Variants in STXBP5L observed in about 807,000 individuals in gnomAD.
STXBP5L encodes syntaxin binding protein 5L.
A neutral mutation model predicts 144.5 loss-of-function variants in STXBP5L; 65 were observed. The observed-to-expected ratio is 0.45, with a 90% CI of 0.37 to 0.55. The LOEUF is 0.55. STXBP5L is among the 20% of genes least tolerant of loss of function. The pLI, the probability that STXBP5L is intolerant of heterozygous loss-of-function variation, is 0.00. For synonymous variants in STXBP5L, 505 were observed against 469.6 expected (o/e 1.08, Z -0.97); for missense variants, 1,298 against 1,405.5 (o/e 0.92, Z 1.22).
chr3:120,992,406 C>G (rs1038960049), intron 3 of STXBP5L, among the ~76,000 whole-genome samples: 6 of 152,100 alleles, frequency 3.9e-5, no homozygotes, highest in African/African-American at 1.2e-4. Flanking sequence ...TTCCTTCTAT[C>G]TAGTTGTATA....
rs144556880 is a variant in STXBP5L at position 120,943,618 on chromosome 3, A to T, written c.190-11322A>T. 1.9e-3 allele frequency among the ~76,000 whole-genome samples: 282 copies of T among 151,782 alleles called. 1 individual carries two copies. The highest frequency in any genetic ancestry group is 6.8e-3 in the Middle Eastern group (2 of 294). On this transcript the variant is annotated intron_variant, in intron 2 of 26. Coordinates refer to ENST00000471454, the MANE Select transcript of STXBP5L (RefSeq NM_001308330.2). ...ATCAGTATCTTATTTAGTGTTTTGC[A>T]CCTATATTTATAAGTCTTCATTTGC...
At chr3:121,183,115 A>T (rs74927086) in intron 9 of STXBP5L, among the ~76,000 whole-genome samples, 1 of 152,200 alleles carries the variant, frequency 6.6e-6, no homozygotes, top group Non-Finnish European at 1.5e-5. Flanking sequence ...GAAAACACTC[A>T]CAAAATTGGC....
chr3:121,045,031 T>C (rs923699528), intron 4 of STXBP5L, among the ~76,000 whole-genome samples: 4 of 152,164 alleles, frequency 2.6e-5, no homozygotes, highest in Non-Finnish European at 5.9e-5. Flanking sequence ...TTATATGACC[T>C]GTATTCAATT....
At chr3:121,128,508 G>T (rs1337348485) in intron 7 of STXBP5L, among the ~76,000 whole-genome samples, 1 of 152,098 alleles carries the variant, frequency 6.6e-6, no homozygotes, top group East Asian at 1.9e-4. Context: ...TGAGAAGCTT[G>T]GTAGTGGTTG....
At chr3:121,254,420 T>C (rs1160508768) in intron 15 of STXBP5L, among the ~76,000 whole-genome samples, 1 of 152,198 alleles carries the variant, frequency 6.6e-6, no homozygotes, top group Non-Finnish European at 1.5e-5. Context: ...ATGTTTCTTA[T>C]CTGAAGGAGT....
chr3:121,224,340 G>T (rs55915400), intron 11 of STXBP5L, among the ~76,000 whole-genome samples: 31 of 152,162 alleles, frequency 2.0e-4, no homozygotes, highest in Non-Finnish European at 4.3e-4. Flanking sequence ...TAAAAGATGG[G>T]ATAAATTGAT....
chr3:121,331,851 G>T (rs1283139761), intron 20 of STXBP5L, among the ~76,000 whole-genome samples: 1 of 152,136 alleles, frequency 6.6e-6, no homozygotes, highest in Non-Finnish European at 1.5e-5. Flanking sequence ...TGGGGAACAA[G>T]ATAAGCTTCC....
intron 9 of STXBP5L, among the ~76,000 whole-genome samples, chr3:121,179,506 C>A (rs970388955): frequency 4.6e-5 from 7 of 152,020 alleles, no homozygotes; most frequent in Non-Finnish European, 1.0e-4. Flanking sequence ...AGAAGTAATT[C>A]TGATAATATG....
At chr3:121,145,985 G>A (rs2045700342) in intron 7 of STXBP5L, among the ~76,000 whole-genome samples, 2 of 152,002 alleles carry the variant, frequency 1.3e-5, no homozygotes, top group South Asian at 4.1e-4. Flanking sequence ...CTGGAACTGG[G>A]ACATCTATCC....
At chr3:121,335,190 A>C (rs1434308965) in intron 20 of STXBP5L, among the ~76,000 whole-genome samples, 3 of 152,134 alleles carry the variant, frequency 2.0e-5, no homozygotes, top group Non-Finnish European at 4.4e-5. Flanking sequence ...CAAATCAAAA[A>C]CACAATCCCA....
rs114050405 is a variant in STXBP5L, at chr3:121,203,556, C to T, written c.878-2367C>T. Among the ~76,000 whole-genome samples, 632 of 152,184 alleles carry T rather than the reference C, an allele frequency of 4.2e-3. 2 individuals are homozygous for T. The highest frequency in any genetic ancestry group is 0.014 in the African/African-American group (594 of 41,524). ...TAATTGTCGATAATGTTGTGATACA[C>T]AACATGACATTTAATCATGTTTCAA... On this transcript the variant is annotated intron_variant, in intron 9 of 26. Coordinates refer to ENST00000471454, the MANE Select transcript of STXBP5L (RefSeq NM_001308330.2).
At chr3:121,285,909 A>C (rs2051216151) in intron 19 of STXBP5L, among the ~76,000 whole-genome samples, 1 of 152,148 alleles carries the variant, frequency 6.6e-6, no homozygotes, top group African/African-American at 2.4e-5. Context: ...AAGATGAACC[A>C]ACCCACACCA....
At chr3:120,982,182 G>A (rs886647660) in intron 3 of STXBP5L, among the ~76,000 whole-genome samples, 1 of 152,182 alleles carries the variant, frequency 6.6e-6, no homozygotes, top group Non-Finnish European at 1.5e-5. Flanking sequence ...TGTGGCAGAA[G>A]CAGATGGGTA....
chr3:121,162,191 A>G (rs1374544927), intron 9 of STXBP5L, among the ~76,000 whole-genome samples: 1 of 152,186 alleles, frequency 6.6e-6, no homozygotes, highest in African/African-American at 2.4e-5. Flanking sequence ...AATTAAAAAC[A>G]TATCATATGT....
chr3:121,141,928 T>C (rs913272059), intron 7 of STXBP5L, among the ~76,000 whole-genome samples: 3 of 152,034 alleles, frequency 2.0e-5, no homozygotes, highest in East Asian at 1.9e-4. Flanking sequence ...TGTTAATAAA[T>C]TGATCTCCCC....
intron 3 of STXBP5L, among the ~76,000 whole-genome samples, chr3:121,011,553 G>A (rs1171887898): frequency 6.6e-6 from 1 of 151,260 alleles, no homozygotes; most frequent in Non-Finnish European, 1.5e-5. Context: ...TCATTTACCT[G>A]CTTACCATTA....
At chr3:121,156,958 C>A in intron 8 of STXBP5L, among the ~76,000 whole-genome samples, 1 of 151,878 alleles carries the variant, frequency 6.6e-6, no homozygotes, top group Non-Finnish European at 1.5e-5. Flanking sequence ...CAGTGGATAC[C>A]GAGGGATGGC....
chr3:121,110,385 T>G (rs2043923318), intron 5 of STXBP5L, among the ~76,000 whole-genome samples: 1 of 152,196 alleles, frequency 6.6e-6, no homozygotes, highest in Non-Finnish European at 1.5e-5. Flanking sequence ...TTTTCATATT[T>G]AGTGCTTCCT....
rs894914489 is a variant in STXBP5L, at chr3:121,422,093, A to AGCAC, written c.*3005_*3008dup. The AGCAC allele has an allele frequency of 6.6e-6, 1 of 152,140 alleles. No homozygotes were observed. Among genetic ancestry groups the AGCAC allele is most frequent in the African/African-American group, 2.4e-5 (1 of 41,378 alleles). The allele number at this position is 152,140 out of a possible 1,614,324, so 9.4% of individuals were successfully genotyped here. A position where few individuals can be genotyped will look rare whatever the true frequency, so the allele number is the denominator to read the frequency against. ...AATTCTGTTCTGTTGCACTGACCTT[A>AGCAC]GCACGCACGCACACACACACACACC... On this transcript the variant is annotated 3_prime_UTR_variant, in exon 27 of 27. Transcript: ENST00000471454.
Sources: gnomAD v4.1 joint callset for allele counts (sites outside exome capture counted in the v4.1 genomes callset) on GRCh38, gnomAD v4.1.1 for gene constraint, MANE v1.5 for transcripts, NCBI Gene and HGNC (gene_info 2026-07-23, HGNC 2026-07-21) for gene names.